Variants in CKM observed in about 807,000 individuals in gnomAD.
The protein encoded by CKM is creatine kinase M-type.
A neutral mutation model predicts 35.4 loss-of-function variants in CKM; 28 were observed. The observed-to-expected ratio is 0.79, with a 90% confidence interval of 0.59 to 1.08. The LOEUF is 1.08. Ranked by LOEUF, CKM falls within the 50% of genes least tolerant of loss-of-function variation. CKM has a pLI of 0.00. For synonymous variants in CKM, 215 were observed against 204.4 expected, an observed-to-expected ratio of 1.05 and a Z score of -0.44; for missense variants, 484 against 509.8, an observed-to-expected ratio of 0.95 and a Z score of 0.49.
intron 1 of CKM, among the ~76,000 whole-genome samples, chr19:45,320,155 C>T (rs894413106): frequency 4.0e-5 from 6 of 151,816 alleles, no homozygotes; most frequent in Non-Finnish European, 7.4e-5. Flanking sequence ...GGCGAGACCT[C>T]GGCTCACTGC....
At chr19:45,317,468 G>C (rs1488003469) in intron 3 of CKM, among the ~76,000 whole-genome samples, 1 of 151,922 alleles carries the variant, frequency 6.6e-6, no homozygotes, top group East Asian at 1.9e-4. Context: ...TGTATTTTTA[G>C]TAGAGACGGG....
intron 2 of CKM, 66 bp downstream of exon 2, chr19:45,319,455 G>T: frequency 7.7e-7 from 1 of 1,302,322 alleles, no homozygotes; most frequent in Non-Finnish European, 1.1e-6. Flanking sequence ...TGGTGGGATT[G>T]GGGCATGGCC....
chr19:45,314,444 C>G (rs1358639269), intron 4 of CKM, among the ~76,000 whole-genome samples: 1 of 151,858 alleles, frequency 6.6e-6, no homozygotes, highest in Non-Finnish European at 1.5e-5. Context: ...GATGGAGTCA[C>G]ACTCTGTCCC....
intron 5 of CKM, among the ~76,000 whole-genome samples, chr19:45,309,137 A>G (rs539713305): frequency 4.7e-4 from 71 of 151,298 alleles, no homozygotes; most frequent in African/African-American, 1.6e-3. Flanking sequence ...CTGAGGCAAG[A>G]GAATGGCGAG....
Position 45,319,571 on chromosome 19 carries a change from G to A in CKM, c.143C>T (p.Pro48Leu), listed in dbSNP as rs1188157601. Residue 48 changes from proline (P) to leucine (L), a missense_variant, in exon 2 of 8, where the codon CCA becomes CTA. By Grantham distance (98) the Pro-to-Leu change is moderately conservative. Transcript: ENST00000221476. ...LYKKLRDKET[P>L]SGFTVDDVIQ... ...GACATCGTCTACAGTGAAGCCAGAT[G>A]GAGTCTCCTTGTCCCGCAGCTTCTT... The A allele has an allele frequency of 2.5e-6, 4 of 1,614,114 alleles. No homozygotes were observed. Among genetic ancestry groups the A allele is most frequent in the Non-Finnish European group, 3.4e-6 (4 of 1,180,024 alleles).
chr19:45,310,138 T>TTTG (rs1971092699), intron 5 of CKM, among the ~76,000 whole-genome samples: 1 of 146,814 alleles, frequency 6.8e-6, no homozygotes. Flanking sequence ...TTTTTTTTTT[T>TTTG]GAGACAGAGT....
chr19:45,310,269 T>C lies in CKM; in HGVS notation c.653+1480A>G, dbSNP rs557038226. On this transcript the variant is annotated intron_variant, in intron 5 of 7. Coordinates refer to ENST00000221476, the MANE Select transcript of CKM (RefSeq NM_001824.5). ...ACGAGTAAGTAGGACTACAGGCGCC[T>C]GCCACCAAGCCCAGCTAATTTTTTG... 1.1e-4 allele frequency among the ~76,000 whole-genome samples: 17 copies of C among 152,008 alleles called. No homozygotes were observed. The East Asian group carries it at 1.4e-3, about 12-fold the overall frequency.
At chr19:45,313,147 GTTTGTGGC>G (rs1971125936) in intron 4 of CKM, among the ~76,000 whole-genome samples, 1 of 151,926 alleles carries the variant, frequency 6.6e-6, no homozygotes, top group East Asian at 1.9e-4. Context: ...CAAATTGGAG[GTTTGTGGC>G]AACTCTTTGT....
intron 1 of CKM, among the ~76,000 whole-genome samples, chr19:45,322,105 G>A (rs1010038366): frequency 1.3e-5 from 2 of 151,960 alleles, no homozygotes; most frequent in Non-Finnish European, 1.5e-5. Flanking sequence ...TCCAGGCCTC[G>A]GGGCTCAAGG....
At chr19:45,320,797 C>T (rs985614494) in intron 1 of CKM, among the ~76,000 whole-genome samples, 4 of 152,028 alleles carry the variant, frequency 2.6e-5, no homozygotes, top group African/African-American at 7.3e-5. Context: ...CAGCACTTGC[C>T]GCATGGGAGT....
chr19:45,316,175 CA>C, intron 3 of CKM, among the ~76,000 whole-genome samples: 1 of 151,568 alleles, frequency 6.6e-6, no homozygotes, highest in East Asian at 2.0e-4. Flanking sequence ...ACTAAAAATA[CA>C]AAAATTAGCT....
chr19:45,306,996 G>A lies in CKM; in HGVS notation c.968-68C>T. ...GCAGAGGGGCTGGGACGTGGCCCCC[G>A]TGCCAAATGCAACAGCCGCATGTAG... is the stretch of plus-strand genomic sequence containing the variant. On this transcript the variant is annotated intron_variant, in intron 7 of 7. Transcript: ENST00000221476. The surrounding 1 kb of genome is among the most constrained non-coding windows in gnomAD (Gnocchi z 4.5). 6.5e-7 allele frequency: 1 copy of A among 1,534,878 alleles called. No individual in the cohort carries two copies. Among genetic ancestry groups the A allele is most frequent in the South Asian group, 1.1e-5 (1 of 89,490 alleles).
chr19:45,317,369 C>T (rs1971168628), intron 3 of CKM, among the ~76,000 whole-genome samples: 1 of 152,204 alleles, frequency 6.6e-6, no homozygotes, highest in African/African-American at 2.4e-5. Context: ...CTCACCACAA[C>T]CTCTGCCTTC....
chr19:45,308,624 G>C, intron 5 of CKM, 92 bp from the exon 6 acceptor site: 1 of 1,565,944 alleles, frequency 6.4e-7, no homozygotes, highest in Non-Finnish European at 8.8e-7. Context: ...CCACCGATGG[G>C]GGAAGAGGGC....
chr19:45,308,364 G>T, intron 6 of CKM, 45 bp downstream of exon 6: 1 of 1,613,008 alleles, frequency 6.2e-7, no homozygotes. Context: ...CAGGTGGGGC[G>T]TTCAAGGTGG....
chr19:45,321,176 T>G (rs1457077365), intron 1 of CKM, among the ~76,000 whole-genome samples: 1 of 152,028 alleles, frequency 6.6e-6, no homozygotes, highest in African/African-American at 2.4e-5. Context: ...AGTGCTGAGA[T>G]TACAGGCATG....
At chr19:45,308,713 C>G (rs1399234350) in intron 5 of CKM, among the ~76,000 whole-genome samples, 181 bp from the exon 6 acceptor site, 1 of 152,156 alleles carries the variant, frequency 6.6e-6, no homozygotes, top group East Asian at 1.9e-4. Flanking sequence ...GTCACAGGAT[C>G]TGCAAAACGC....
Position 45,306,768 on chromosome 19 carries a change from C to A in CKM, c.1128G>T (p.Met376Ile). Residue 376 changes from methionine (M) to isoleucine (I), a missense_variant, in exon 8 of 8, where the codon ATG becomes ATT. Physicochemically the swap from Met to Ile is conservative, Grantham distance 10. Transcript: ENST00000221476. The surrounding 1 kb of genome is among the most constrained non-coding windows in gnomAD (Gnocchi z 4.5). ...CAGGCGCCTACTTCTGGGCGGGGAT[C>A]ATGTCGTCAATGGACTGGCCTTTCT... ...KLEKGQSIDDMIPAQK is the reference protein window; with the variant it reads ...KLEKGQSIDDIIPAQK 1 of 1,614,176 alleles carries A rather than the reference C, an allele frequency of 6.2e-7. No individual in the cohort carries two copies. The highest frequency in any genetic ancestry group is 8.5e-7 in the Non-Finnish European group (1 of 1,180,042).
At chr19:45,315,337 C>T (rs994112424) in intron 4 of CKM, 128 bp downstream of exon 4, 3 of 1,068,196 alleles carry the variant, frequency 2.8e-6, no homozygotes, top group Non-Finnish European at 4.0e-6. Flanking sequence ...TTCCCCAAGC[C>T]CCCACGATTT....
Sources: gnomAD v4.1 joint callset for allele counts (sites outside exome capture counted in the v4.1 genomes callset) on GRCh38, gnomAD v4.1.1 for gene constraint, Gnocchi (gnomAD v3.1) non-coding constraint, MANE v1.5 for transcripts, NCBI Gene and HGNC (gene_info 2026-07-23, HGNC 2026-07-21) for gene names.